The following CORIN variants were observed in gnomAD, a reference collection of about 807,000 sequenced individuals.
CORIN encodes atrial natriuretic peptide-converting enzyme.
Under a neutral mutation model 125.3 loss-of-function variants are expected in CORIN, and 117 were observed. The ratio of observed to expected loss-of-function variants is 0.93; its 90% CI spans 0.80 to 1.09. The LOEUF is 1.09. CORIN is among the 50% of genes least tolerant of loss of function. The pLI, the probability that CORIN is intolerant of heterozygous loss-of-function variation, is 0.00. For synonymous variants in CORIN, 450 were observed against 466.4 expected (o/e 0.96, Z 0.45); for missense variants, 1,253 against 1,306.7 (o/e 0.96, Z 0.63).
At chr4:47,837,713 T>G (rs1733517009) in intron 1 of CORIN, among the ~76,000 whole-genome samples, 174 bp downstream of exon 1, 1 of 151,932 alleles carries the variant, frequency 6.6e-6, no homozygotes, top group Non-Finnish European at 1.5e-5. Context: ...GCCTGGGAAC[T>G]GGGTGCAGGG....
intron 1 of CORIN, among the ~76,000 whole-genome samples, chr4:47,829,234 A>G (rs1030669679): frequency 1.3e-5 from 2 of 151,866 alleles, no homozygotes; most frequent in African/African-American, 4.8e-5. Context: ...TAAAATTATG[A>G]AATCTTGGAT....
chr4:47,780,660 T>C (rs1356807145), intron 3 of CORIN, among the ~76,000 whole-genome samples: 1 of 152,058 alleles, frequency 6.6e-6, no homozygotes. Context: ...CAGCAATCTG[T>C]CTCCCCACCT....
chr4:47,782,030 A>G (rs1014844808), intron 3 of CORIN, among the ~76,000 whole-genome samples: 4 of 152,182 alleles, frequency 2.6e-5, no homozygotes, highest in East Asian at 1.9e-4. Flanking sequence ...AGATACAACA[A>G]TTGTAAATAT....
chr4:47,739,992 A>G (rs1045019050), intron 5 of CORIN, among the ~76,000 whole-genome samples: 5 of 151,964 alleles, frequency 3.3e-5, no homozygotes, highest in Admixed American at 6.6e-5. Context: ...TAACACAAAA[A>G]AAGTCAGTAA....
At chr4:47,755,834 T>G (rs565935705) in intron 4 of CORIN, among the ~76,000 whole-genome samples, 3 of 152,206 alleles carry the variant, frequency 2.0e-5, no homozygotes, top group Non-Finnish European at 4.4e-5. Flanking sequence ...TAGGAACATA[T>G]AAATTATACA....
intron 1 of CORIN, among the ~76,000 whole-genome samples, chr4:47,819,583 C>T (rs554457131): frequency 9.2e-5 from 14 of 152,080 alleles, no homozygotes; most frequent in South Asian, 4.2e-4. Flanking sequence ...ACAGAAGCAG[C>T]GAGAGACATG....
At chr4:47,820,134 A>G (rs1192515488) in intron 1 of CORIN, among the ~76,000 whole-genome samples, 5 of 152,156 alleles carry the variant, frequency 3.3e-5, no homozygotes, top group Admixed American at 2.0e-4. Context: ...ACTATTGTTC[A>G]TGCCAGTTTA....
At chr4:47,623,435 GA>G in intron 19 of CORIN, 135 bp downstream of exon 19, 1 of 876,638 alleles carries the variant, frequency 1.1e-6, no homozygotes, top group Non-Finnish European at 1.7e-6. Flanking sequence ...ACTTTAGGAA[GA>G]TAAAGGCCTG....
intron 19 of CORIN, among the ~76,000 whole-genome samples, chr4:47,604,182 G>T (rs1267109103): frequency 3.9e-5 from 6 of 152,128 alleles, no homozygotes; most frequent in Non-Finnish European, 5.9e-5. Context: ...TATTTTAGTC[G>T]ATTCCCACCT....
At chr4:47,745,274 A>G (rs1266360823) in intron 4 of CORIN, among the ~76,000 whole-genome samples, 1 of 152,254 alleles carries the variant, frequency 6.6e-6, no homozygotes, top group African/African-American at 2.4e-5. Flanking sequence ...GAGATGGGAT[A>G]CTAACAAAGT....
rs563122797 is a variant in CORIN at position 47,769,924 on chromosome 4, AG to A, written c.410-6339del. Among the ~76,000 whole-genome samples the A allele has an allele frequency of 1.1e-4, 16 of 152,256 alleles. No individual in the cohort carries two copies. In the East Asian group the frequency reaches 3.1e-3, roughly 29 times the overall value. ...CTATAACACTACTAGAAGAATACAT[AG>A]GGGGAAAGCTCAGTGACATTGGTCT... is the stretch of plus-strand genomic sequence containing the variant. On this transcript the variant is annotated intron_variant, in intron 3 of 21. Coordinates refer to ENST00000273857, the MANE Select transcript of CORIN (RefSeq NM_006587.4).
At chr4:47,774,276 G>A (rs1295892049) in intron 3 of CORIN, among the ~76,000 whole-genome samples, 3 of 152,180 alleles carry the variant, frequency 2.0e-5, no homozygotes, top group Non-Finnish European at 4.4e-5. Context: ...TCCACTGGCC[G>A]AAGTCGGTGG....
intron 4 of CORIN, among the ~76,000 whole-genome samples, chr4:47,754,827 T>C (rs1322999484): frequency 6.6e-6 from 1 of 152,208 alleles, no homozygotes; most frequent in Non-Finnish European, 1.5e-5. Flanking sequence ...CCATTCTTTC[T>C]GAAGGCAGTT....
intron 4 of CORIN, among the ~76,000 whole-genome samples, chr4:47,754,500 GA>G (rs1729048404): frequency 6.6e-6 from 1 of 152,012 alleles, no homozygotes; most frequent in Non-Finnish European, 1.5e-5. Flanking sequence ...TTATAAATAT[GA>G]AAGTATTTAA....
intron 3 of CORIN, among the ~76,000 whole-genome samples, chr4:47,768,900 A>AG (rs1729890279): frequency 6.6e-6 from 1 of 152,236 alleles, no homozygotes; most frequent in Admixed American, 6.5e-5. Context: ...CCATCCTCTA[A>AG]GATCAGGAAG....
chr4:47,753,504 C>G (rs1026382469), intron 4 of CORIN, among the ~76,000 whole-genome samples: 2 of 152,020 alleles, frequency 1.3e-5, no homozygotes, highest in African/African-American at 2.4e-5. Context: ...TTATCTCAAC[C>G]GCATCAGACA....
At chr4:47,750,261 C>A (rs183042902) in intron 4 of CORIN, among the ~76,000 whole-genome samples, 1 of 152,138 alleles carries the variant, frequency 6.6e-6, no homozygotes, top group African/African-American at 2.4e-5. Context: ...CTCCACTAAA[C>A]GTGGGGATGG....
intron 5 of CORIN, among the ~76,000 whole-genome samples, chr4:47,696,140 C>T (rs186477217): frequency 4.3e-4 from 65 of 152,268 alleles, no homozygotes; most frequent in African/African-American, 1.5e-3. Flanking sequence ...GTCAGTTCTA[C>T]TTTTTTTGAA....
chr4:47,634,259 G>A (rs1179479490), intron 16 of CORIN, among the ~76,000 whole-genome samples: 1 of 152,132 alleles, frequency 6.6e-6, no homozygotes, highest in African/African-American at 2.4e-5. Context: ...CAAGCCAAAG[G>A]ACTGGTTGCC....
Sources: gnomAD v4.1 joint callset for allele counts (sites outside exome capture counted in the v4.1 genomes callset) on GRCh38, gnomAD v4.1.1 for gene constraint, MANE v1.5 for transcripts, NCBI Gene and HGNC (gene_info 2026-07-23, HGNC 2026-07-21) for gene names.